ENKUR: variants seen among roughly 807,000 people sequenced by gnomAD.
ENKUR encodes the protein enkurin.
In ENKUR, 19 loss-of-function variants were observed where a neutral mutation model predicts 27.6. That is an observed-to-expected ratio of 0.69 (90% confidence interval 0.48 to 1.01). ENKUR has a LOEUF of 1.01. Ranked by LOEUF, ENKUR falls within the 50% of genes least tolerant of loss-of-function variation. The pLI, the probability that ENKUR is intolerant of heterozygous loss-of-function variation, is 0.00. For missense variants in ENKUR, 312 were observed against 310.5 expected, an observed-to-expected ratio of 1.00 and a Z score of -0.04; for synonymous variants, 117 against 96.9, an observed-to-expected ratio of 1.21 and a Z score of -1.22.
chr10:25,061,195 C>A, exon 2 of ENKUR: 1 of 1,527,176 alleles, frequency 6.5e-7, no homozygotes, highest in Non-Finnish European at 8.8e-7. Flanking sequence ...GTGTTGGACA[C>A]GTGTGGCCAG....
chr10:25,023,298 G>T, intron 2 of ENKUR: 1 of 1,614,028 alleles, frequency 6.2e-7, no homozygotes, highest in South Asian at 1.1e-5. Flanking sequence ...ATGTTAAAAC[G>T]GATAAACATG....
chr10:25,049,530 A>G (rs1343471604), intron 2 of ENKUR, among the ~76,000 whole-genome samples: 1 of 152,134 alleles, frequency 6.6e-6, no homozygotes, highest in African/African-American at 2.4e-5. Flanking sequence ...GCTCATGCCT[A>G]TAATCCCAGC....
chr10:24,984,833 T>C lies in ENKUR; in HGVS notation c.667A>G (p.Lys223Glu). 4.3e-6 allele frequency: 7 copies of C among 1,613,828 alleles called. No individual in the cohort carries two copies. Among genetic ancestry groups the C allele is most frequent in the Non-Finnish European group, 5.9e-6 (7 of 1,179,846 alleles). ...SLSVFIDSIP[K>E]KIRKQRLEEE... is the part of the protein sequence containing the mutation. ...TCCAGCCTCTGCTTGCGGATCTTCT[T>C]TGGTATAGAATCTATAAAGACCGAG... Residue 223 changes from lysine (K) to glutamate (E), a missense_variant, in exon 5 of 6, where the codon AAG becomes GAG. Transcript: ENST00000331161.
At chr10:24,984,666 G>A in intron 5 of ENKUR, 70 bp downstream of exon 5, 1 of 1,414,862 alleles carries the variant, frequency 7.1e-7, no homozygotes, top group East Asian at 2.4e-5. Context: ...GAAAAACTTG[G>A]AGTTTTTTAT....
At chr10:25,054,634 A>T (rs1322785638) in intron 2 of ENKUR, among the ~76,000 whole-genome samples, 3 of 131,854 alleles carry the variant, frequency 2.3e-5, no homozygotes, top group African/African-American at 5.7e-5. Flanking sequence ...GTGCTCTCTT[A>T]TTTCTCACCT....
chr10:25,028,106 A>G (rs914898092), intron 2 of ENKUR, among the ~76,000 whole-genome samples: 8 of 152,208 alleles, frequency 5.3e-5, no homozygotes, highest in African/African-American at 9.6e-5. Flanking sequence ...AAGATTTTCT[A>G]GGTGAAAAGG....
chr10:25,052,546 C>T (rs1470424490), intron 2 of ENKUR, among the ~76,000 whole-genome samples: 2 of 152,012 alleles, frequency 1.3e-5, no homozygotes, highest in African/African-American at 4.8e-5. Context: ...GTGGGAGAAT[C>T]GCTTGAAGCC....
At chr10:25,001,166 A>G (rs931177991) in intron 1 of ENKUR, among the ~76,000 whole-genome samples, 1 of 152,060 alleles carries the variant, frequency 6.6e-6, no homozygotes, top group Non-Finnish European at 1.5e-5. Context: ...ATTCTGCTGT[A>G]TAAGTCCAAA....
In ENKUR at chr10:24,999,446, T is replaced by C. The variant is rs1203963774; in HGVS notation, c.178A>G (p.Lys60Glu). The change falls in exon 2 of 6, where the codon AAG (lysine) becomes GAG (glutamate). Residue 60 changes from lysine (K) to glutamate (E), a missense_variant. Physicochemically the swap from Lys to Glu is moderately conservative, Grantham distance 56. Coordinates refer to ENST00000331161, the MANE Select transcript of ENKUR (RefSeq NM_145010.4). ...TTTGAATGTTTCTTTAGGAAATCCT[T>C]TGGAGAAGGTACTTCAACTTTTGCT... The part of the protein sequence containing the change: ...GPAKVEVPSP[K>E]DFLKKHSKEK... 10 of 1,613,030 alleles carry C rather than the reference T, an allele frequency of 6.2e-6. No homozygotes were observed. In the African/African-American group the frequency reaches 6.7e-5, roughly 11 times the overall value.
chr10:25,005,060 G>C (rs1418632892), intron 1 of ENKUR, among the ~76,000 whole-genome samples: 1 of 152,126 alleles, frequency 6.6e-6, no homozygotes, highest in Non-Finnish European at 1.5e-5. Context: ...TCAAGGATCA[G>C]ATACTTGTAA....
At chr10:25,050,877 G>GA (rs748359014) in intron 2 of ENKUR, among the ~76,000 whole-genome samples, 110 of 152,280 alleles carry the variant, frequency 7.2e-4, no homozygotes, top group Non-Finnish European at 1.4e-3. Flanking sequence ...CAAAAAAGGT[G>GA]AAGGGCATTT....
At chr10:25,061,832 C>T (rs1228487980) in intron 1 of ENKUR, among the ~76,000 whole-genome samples, 1 of 152,154 alleles carries the variant, frequency 6.6e-6, no homozygotes, top group African/African-American at 2.4e-5. Flanking sequence ...TAGTCTGAGG[C>T]GTGACTGCTG....
chr10:24,987,178 C>T lies in ENKUR; in HGVS notation c.595-2273G>A, dbSNP rs145590047. ...TAGCTGCATTCATCTGTGACTATGA[C>T]CCTCAGCCCAGCTCCAGCTCTCACT... On this transcript the variant is annotated intron_variant, in intron 4 of 5. Coordinates refer to ENST00000331161, the MANE Select transcript of ENKUR (RefSeq NM_145010.4). 2.0e-4 allele frequency among the ~76,000 whole-genome samples: 30 copies of T among 152,308 alleles called. No individual in the cohort carries two copies. In the East Asian group the frequency reaches 5.4e-3, roughly 27 times the overall value.
Position 24,984,837 on chromosome 10 carries a change from T to C in ENKUR, c.663A>G (p.Ile221Met). Residue 221 changes from isoleucine (I) to methionine (M), a missense_variant, in exon 5 of 6, where the codon ATA becomes ATG. Ile to Met is a conservative substitution (Grantham distance 10). Transcript: ENST00000331161. ...GCCTCTGCTTGCGGATCTTCTTTGG[T>C]ATAGAATCTATAAAGACCGAGAGGG... ...FQSLSVFIDS[I>M]PKKIRKQRLE... 1 of 1,613,778 alleles carries C rather than the reference T, an allele frequency of 6.2e-7. No individual in the cohort carries two copies. The highest frequency in any genetic ancestry group is 1.1e-5 in the South Asian group (1 of 91,052).
chr10:25,005,931 C>T (rs1020675252), intron 1 of ENKUR, among the ~76,000 whole-genome samples: 2 of 152,096 alleles, frequency 1.3e-5, no homozygotes, highest in African/African-American at 4.8e-5. Context: ...GTAATATAGC[C>T]ACATGTGGAT....
At chr10:25,049,186 G>A (rs1366107301) in intron 2 of ENKUR, among the ~76,000 whole-genome samples, 1 of 152,102 alleles carries the variant, frequency 6.6e-6, no homozygotes, top group East Asian at 1.9e-4. Context: ...AAATTACTTA[G>A]AGTACTTTGC....
At chr10:25,008,748 A>T (rs2132714767) in intron 1 of ENKUR, among the ~76,000 whole-genome samples, 1 of 152,334 alleles carries the variant, frequency 6.6e-6, no homozygotes, top group Admixed American at 6.5e-5. Flanking sequence ...CAGCCATCCC[A>T]TTACTGGGTA....
In ENKUR at chr10:24,988,708, A is replaced by ATG. The variant is rs1849854200; in HGVS notation, c.594+1754_594+1755insCA. Among the ~76,000 whole-genome samples, 29 of 23,270 alleles carry ATG rather than the reference A, an allele frequency of 1.2e-3. 3 individuals are homozygous for ATG. The highest frequency in any genetic ancestry group is 5.4e-3 in the African/African-American group (27 of 4,966). The allele number at this position is 23,270 out of a possible 152,430, so 15.3% of individuals were successfully genotyped here. On this transcript the variant is annotated intron_variant, in intron 4 of 5. Transcript: ENST00000331161. ...TATATATATATATATATATATATAT[A>ATG]TATATATATATATATATATTCCTCA...
chr10:25,045,004 C>G (rs1026363768), intron 2 of ENKUR, among the ~76,000 whole-genome samples: 1 of 152,200 alleles, frequency 6.6e-6, no homozygotes, highest in Non-Finnish European at 1.5e-5. Flanking sequence ...TTCACTTACA[C>G]TTTATCCATT....
Sources: allele counts gnomAD v4.1 joint callset (sites outside exome capture counted in the v4.1 genomes callset), GRCh38; gene constraint gnomAD v4.1.1; transcripts MANE v1.5; gene names NCBI Gene and HGNC (gene_info 2026-07-23, HGNC 2026-07-21).